The following YIPF4 variants were observed in gnomAD, a reference collection of about 807,000 sequenced individuals.
YIPF4 encodes protein YIPF4.
In YIPF4, 18 loss-of-function variants were observed where a neutral mutation model predicts 29.4. The ratio of observed to expected loss-of-function variants is 0.61; its 90% CI spans 0.42 to 0.91. The LOEUF (loss-of-function observed/expected upper bound fraction) is 0.91, where lower values mean the gene tolerates loss of function less well. Ranked by LOEUF, YIPF4 falls within the 40% of genes least tolerant of loss-of-function variation. The pLI is 0.00. For missense variants in YIPF4, 279 were observed against 282.7 expected, an observed-to-expected ratio of 0.99 and a Z score of 0.09; for synonymous variants, 115 against 104.7, an observed-to-expected ratio of 1.10 and a Z score of -0.60.
At chr2:32,279,564 ATT>A (rs58214119) in intron 1 of YIPF4, among the ~76,000 whole-genome samples, 18 of 111,522 alleles carry the variant, frequency 1.6e-4, no homozygotes, top group East Asian at 4.5e-4. Flanking sequence ...CGCCCGGCTA[ATT>A]TTTTTTTTTT....
intron 1 of YIPF4, among the ~76,000 whole-genome samples, chr2:32,282,261 T>A (rs1013248476): frequency 6.6e-6 from 1 of 152,020 alleles, no homozygotes; most frequent in Non-Finnish European, 1.5e-5. Flanking sequence ...TGACACCCCA[T>A]CTCAAAAAAA....
At chr2:32,294,121 G>C (rs1300375391) in intron 3 of YIPF4, among the ~76,000 whole-genome samples, 1 of 146,974 alleles carries the variant, frequency 6.8e-6, no homozygotes, top group Non-Finnish European at 1.5e-5. Context: ...GCGGGACGCT[G>C]ACCCCCCCAC....
intron 1 of YIPF4, among the ~76,000 whole-genome samples, chr2:32,288,315 A>G (rs925164783): frequency 6.6e-6 from 1 of 152,192 alleles, no homozygotes; most frequent in Non-Finnish European, 1.5e-5. Context: ...ACTGCTAAAC[A>G]TGTACAGTTC....
chr2:32,302,034 T>C (rs2148967002), intron 5 of YIPF4, among the ~76,000 whole-genome samples: 1 of 125,132 alleles, frequency 8.0e-6, no homozygotes, highest in East Asian at 2.2e-4. Context: ...TCTTTCTTTC[T>C]TTTTTTTTTT....
chr2:32,301,813 C>G (rs2031414510), intron 5 of YIPF4, among the ~76,000 whole-genome samples: 1 of 151,924 alleles, frequency 6.6e-6, no homozygotes, highest in South Asian at 2.1e-4. Context: ...TCATGTGATT[C>G]TCCTGCCTCA....
chr2:32,292,460 C>T, intron 3 of YIPF4, 112 bp downstream of exon 3: 1 of 834,914 alleles, frequency 1.2e-6, no homozygotes, highest in Non-Finnish European at 1.6e-6. Context: ...ATGCTTTACC[C>T]ATTATTTCTC....
At chr2:32,279,782 T>A (rs1448592007) in intron 1 of YIPF4, among the ~76,000 whole-genome samples, 1 of 152,034 alleles carries the variant, frequency 6.6e-6, no homozygotes, top group African/African-American at 2.4e-5. Flanking sequence ...TTTTTCTTGT[T>A]GTGCTGTTTG....
chr2:32,286,999 C>T (rs934289705), intron 1 of YIPF4, among the ~76,000 whole-genome samples: 6 of 152,132 alleles, frequency 3.9e-5, no homozygotes, highest in African/African-American at 1.4e-4. Flanking sequence ...AATCCCAGCA[C>T]TTTGGGAGGC....
chr2:32,284,340 G>A (rs1235830699), intron 1 of YIPF4, among the ~76,000 whole-genome samples: 1 of 152,174 alleles, frequency 6.6e-6, no homozygotes, highest in Non-Finnish European at 1.5e-5. Context: ...GCTTAAGCGA[G>A]TGTAATGGTT....
chr2:32,301,645 A>T, intron 5 of YIPF4, 150 bp downstream of exon 5: 1 of 535,846 alleles, frequency 1.9e-6, no homozygotes, highest in Non-Finnish European at 3.2e-6. Context: ...TTTGCCAGTT[A>T]TATTTCTTTC....
chr2:32,288,774 C>G (rs1300725099), intron 1 of YIPF4, among the ~76,000 whole-genome samples: 3 of 152,102 alleles, frequency 2.0e-5, no homozygotes, highest in African/African-American at 7.2e-5. Context: ...TGCCCCACTG[C>G]ACTCCAGCCT....
rs530109318 is a variant in YIPF4, at chr2:32,292,697, A to C, written c.405+349A>C. Among the ~76,000 whole-genome samples, 15 of 151,820 alleles carry C rather than the reference A, an allele frequency of 9.9e-5. No individual in the cohort carries two copies. The South Asian group carries it at 1.2e-3, about 13-fold the overall frequency. Reference sequence around the variant, plus strand: ...CCAACATGGTGGAAGCCCTGTCTCTACTAAAACTACAAAAAAAGTATCTGG... The same window carrying C: ...CCAACATGGTGGAAGCCCTGTCTCTCCTAAAACTACAAAAAAAGTATCTGG... On this transcript the variant is annotated intron_variant, in intron 3 of 5. Coordinates refer to ENST00000238831, the MANE Select transcript of YIPF4 (RefSeq NM_032312.4).
rs980908606 is a variant in YIPF4, at chr2:32,277,936, T to G, written c.-220T>G. On this transcript the variant is annotated 5_prime_UTR_variant, in exon 1 of 6. Transcript: ENST00000238831. Reference sequence around the variant, plus strand: ...TTATGGTCCTGTCAGGGTGCCGGCGTCGTGGTGCTTGGGTGGTCGCCACCA... The same window carrying G: ...TTATGGTCCTGTCAGGGTGCCGGCGGCGTGGTGCTTGGGTGGTCGCCACCA... 11 of 522,728 alleles carry G rather than the reference T, an allele frequency of 2.1e-5. No individual in the cohort carries two copies. The highest frequency in any genetic ancestry group is 1.8e-4 in the East Asian group (5 of 28,518). 32.4% of individuals were successfully genotyped at this position (522,728 alleles called of 1,614,324 possible).
At chr2:32,303,602 C>A (rs2031479048) in intron 5 of YIPF4, among the ~76,000 whole-genome samples, 1 of 152,134 alleles carries the variant, frequency 6.6e-6, no homozygotes, top group African/African-American at 2.4e-5. Flanking sequence ...GGGAGGATCG[C>A]CTGAGCCCAA....
rs1395003998 is a variant in YIPF4 at position 32,310,061 on chromosome 2, T to C, written c.*4435T>C. 2 of 152,218 alleles carry C rather than the reference T, an allele frequency of 1.3e-5. No individual in the cohort carries two copies. Among genetic ancestry groups the C allele is most frequent in the African/African-American group, 2.4e-5 (1 of 41,466 alleles). 9.4% of individuals were successfully genotyped at this position (152,218 alleles called of 1,614,324 possible). On this transcript the variant is annotated 3_prime_UTR_variant, in exon 6 of 6. Coordinates refer to ENST00000238831, the MANE Select transcript of YIPF4 (RefSeq NM_032312.4). The stretch of plus-strand genomic sequence containing the variant: ...CTGTGGTATGGCATTCTGAAGCAAG[T>C]CTTAACAGAGCTAAAAATCACCCTT...
At chr2:32,288,395 C>G (rs2030770572) in intron 1 of YIPF4, among the ~76,000 whole-genome samples, 1 of 152,154 alleles carries the variant, frequency 6.6e-6, no homozygotes, top group African/African-American at 2.4e-5. Flanking sequence ...ACTTTAAGTA[C>G]AGTCCTTTCT....
At chr2:32,288,331 CACA>C (rs1437725421) in intron 1 of YIPF4, among the ~76,000 whole-genome samples, 4 of 152,142 alleles carry the variant, frequency 2.6e-5, no homozygotes, top group Non-Finnish European at 5.9e-5. Flanking sequence ...AGTTCTTGAG[CACA>C]ACATTCCTTA....
intron 1 of YIPF4, among the ~76,000 whole-genome samples, chr2:32,284,610 T>C (rs1466555490): frequency 1.3e-5 from 2 of 152,220 alleles, no homozygotes; most frequent in Non-Finnish European, 2.9e-5. Context: ...TACCCAGCCA[T>C]GCTTCCTGTA....
In YIPF4 at chr2:32,287,962, G is replaced by A. The variant is rs188645089; in HGVS notation, c.80-2521G>A. On this transcript the variant is annotated intron_variant, in intron 1 of 5. Transcript: ENST00000238831. Reference sequence around the variant, plus strand: ...AAAATTCATGTTTTACTATCTGGACGTCTATCCAAGAGCTGACAACCAAGC... The same window carrying A: ...AAAATTCATGTTTTACTATCTGGACATCTATCCAAGAGCTGACAACCAAGC... Among the ~76,000 whole-genome samples, 229 of 152,248 alleles carry A rather than the reference G, an allele frequency of 1.5e-3. 1 individual carries two copies. Among genetic ancestry groups the A allele is most frequent in the Non-Finnish European group, 1.7e-3 (115 of 68,018 alleles).
Sources: allele counts gnomAD v4.1 joint callset (sites outside exome capture counted in the v4.1 genomes callset), GRCh38; gene constraint gnomAD v4.1.1; transcripts MANE v1.5; gene names NCBI Gene and HGNC (gene_info 2026-07-23, HGNC 2026-07-21).